Variants in GSE1 observed in about 807,000 individuals in gnomAD.
The protein encoded by GSE1 is genetic suppressor element 1.
GSE1 carries 32 observed loss-of-function variants against 112.6 expected under a neutral mutation model. The observed-to-expected ratio is 0.28, with a 90% CI of 0.21 to 0.38. The LOEUF (loss-of-function observed/expected upper bound fraction) is 0.38, where lower values mean the gene tolerates loss of function less well. Among genes scored for constraint, GSE1 ranks in the 10% least tolerant of loss-of-function variants. The pLI is 1.00. For synonymous variants in GSE1, 1,115 were observed against 735.6 expected, an observed-to-expected ratio of 1.52 and a Z score of -8.35; for missense variants, 2,348 against 1,699.2, an observed-to-expected ratio of 1.38 and a Z score of -6.71.
intron 2 of GSE1, among the ~76,000 whole-genome samples, chr16:85,548,677 G>A (rs951314421): frequency 1.3e-5 from 2 of 152,184 alleles, no homozygotes; most frequent in Non-Finnish European, 2.9e-5. Flanking sequence ...TCCATGTTTT[G>A]GCTGTGGTGA....
At chr16:85,633,016 C>CGCTGCT (rs2049673111) in intron 1 of GSE1, among the ~76,000 whole-genome samples, 1 of 150,502 alleles carries the variant, frequency 6.6e-6, no homozygotes, top group African/African-American at 2.5e-5. Context: ...CCTCTGGTGC[C>CGCTGCT]GCCGCCGCCG....
At chr16:85,280,029 TCTC>T (rs1308661828) in intron 1 of GSE1, among the ~76,000 whole-genome samples, 1 of 152,146 alleles carries the variant, frequency 6.6e-6, no homozygotes, top group African/African-American at 2.4e-5. Context: ...TCCAGAAAGT[TCTC>T]CTTTCACCCA....
intron 2 of GSE1, among the ~76,000 whole-genome samples, chr16:85,483,647 G>A (rs991184716): frequency 2.6e-5 from 4 of 152,272 alleles, no homozygotes; most frequent in South Asian, 2.1e-4. Flanking sequence ...GGGCTGAGAC[G>A]GATGGGCCTC....
At chr16:85,204,048 G>C (rs535720312) in intron 1 of GSE1, among the ~76,000 whole-genome samples, 6 of 152,314 alleles carry the variant, frequency 3.9e-5, no homozygotes, top group African/African-American at 1.4e-4. Context: ...GGGATTACAG[G>C]CATGAGCCGC....
At chr16:85,366,948 G>C (rs1022724067) in intron 2 of GSE1, among the ~76,000 whole-genome samples, 18 of 152,212 alleles carry the variant, frequency 1.2e-4, no homozygotes, top group Non-Finnish European at 2.4e-4. Flanking sequence ...TGGAGCTTAG[G>C]GTGGGGTGTC....
At chr16:85,634,186 G>A (rs2049791636) in intron 2 of GSE1, 54 bp downstream of exon 2, 2 of 1,247,098 alleles carry the variant, frequency 1.6e-6, no homozygotes, top group African/African-American at 1.6e-5. Flanking sequence ...CCGAGGCCGG[G>A]ACTCAGCCTC....
At position 85,672,697 on chromosome 16, in the gene GSE1, A is replaced by C. The variant is rs537801915; in HGVS notation, c.*158A>C. On this transcript the variant is annotated 3_prime_UTR_variant, in exon 16 of 16. Transcript: ENST00000253458. ...TTCCAGGCTCCAGAAAAAATGAATGAACTCACCTTGACGTCAATGCAATTG... is the reference window on the plus strand; with the variant it reads ...TTCCAGGCTCCAGAAAAAATGAATGCACTCACCTTGACGTCAATGCAATTG... The C allele has an allele frequency of 2.3e-3, 1,121 of 483,854 alleles. 7 individuals carry two copies. Among genetic ancestry groups the C allele is most frequent in the African/African-American group, 0.02 (1,026 of 51,604 alleles). The allele number at this position is 483,854 out of a possible 1,614,324, so 30.0% of individuals were successfully genotyped here. A position where few individuals can be genotyped will look rare whatever the true frequency, so the allele number is the denominator to read the frequency against.
At chr16:85,393,264 G>T (rs1199607566) in intron 2 of GSE1, among the ~76,000 whole-genome samples, 1 of 152,230 alleles carries the variant, frequency 6.6e-6, no homozygotes, top group African/African-American at 2.4e-5. Flanking sequence ...GCAAGACCCT[G>T]TCTCAAGAAA....
At chr16:85,612,668 C>T (rs976748367), upstream of GSE1, among the ~76,000 whole-genome samples, 6 of 150,030 alleles carry the variant, frequency 4.0e-5, no homozygotes, top group Admixed American at 2.7e-4. Flanking sequence ...TAGTATTCAG[C>T]CTTTTCTAGT....
chr16:85,197,706 C>G (rs909794842), intron 1 of GSE1, among the ~76,000 whole-genome samples: 3 of 152,318 alleles, frequency 2.0e-5, no homozygotes, highest in African/African-American at 4.8e-5. Context: ...GGCGTCCCCA[C>G]TCTGTGTCAC....
At chr16:85,585,602 C>G (rs2046655309) in intron 1 of GSE1, among the ~76,000 whole-genome samples, 1 of 152,240 alleles carries the variant, frequency 6.6e-6, no homozygotes, top group Admixed American at 6.5e-5. Flanking sequence ...TGTCCCAGCC[C>G]CAGTCTAGAC....
intron 2 of GSE1, among the ~76,000 whole-genome samples, chr16:85,635,134 C>T (rs969446706): frequency 3.3e-5 from 5 of 152,164 alleles, no homozygotes; most frequent in South Asian, 2.1e-4. Context: ...CTGACCAGGG[C>T]GGGCTGGGGG....
In GSE1 at chr16:85,656,563, C is replaced by G. The variant is rs78965078; in HGVS notation, c.1210C>G (p.Leu404Val). Reference sequence around the variant, plus strand: ...GAAGGAGCTGCTGGCCGCCAAGGCCCTGGAGCCCAGCTTCCTGCCCGTGGC... The same window carrying G: ...GAAGGAGCTGCTGGCCGCCAAGGCCGTGGAGCCCAGCTTCCTGCCCGTGGC... ...REKELLAAKA[L>V]EPSFLPVAEL... The change falls in exon 7 of 16, where the codon CTG becomes GTG. Residue 404 changes from leucine to valine, a missense_variant. By Grantham distance (32) the Leu-to-Val change is conservative. Coordinates refer to ENST00000253458, the MANE Select transcript of GSE1 (RefSeq NM_014615.5). 1,654 of 1,548,110 alleles carry G rather than the reference C, an allele frequency of 1.1e-3. 16 individuals are homozygous for G. The African/African-American group carries it at 0.02, about 19-fold the overall frequency.
chr16:85,315,312 C>G (rs1238539670), intron 1 of GSE1, among the ~76,000 whole-genome samples: 1 of 152,200 alleles, frequency 6.6e-6, no homozygotes, highest in Non-Finnish European at 1.5e-5. Flanking sequence ...TCACTTGCCC[C>G]TCCTGCACGC....
chr16:85,603,330 C>T (rs1053613567), intron 1 of GSE1, among the ~76,000 whole-genome samples: 4 of 152,296 alleles, frequency 2.6e-5, no homozygotes, highest in South Asian at 2.1e-4. Context: ...TGTGCTGGGT[C>T]ATGACTGGCT....
At chr16:85,331,361 G>GTATATATATGTATATATA (rs1299782485) in intron 1 of GSE1, among the ~76,000 whole-genome samples, 2,002 of 66,810 alleles carry the variant, frequency 0.03, 241 homozygotes, top group African/African-American at 0.1. Flanking sequence ...GTGTGTGTGT[G>GTATATATATGTATATATA]TGTGTATATA....
intron 2 of GSE1, among the ~76,000 whole-genome samples, chr16:85,367,395 A>C (rs1196645405): frequency 6.6e-6 from 1 of 152,224 alleles, no homozygotes; most frequent in African/African-American, 2.4e-5. Context: ...CATGCTGGGC[A>C]TGGGGGGCAT....
intron 2 of GSE1, among the ~76,000 whole-genome samples, chr16:85,532,636 C>A (rs1598089854): frequency 6.6e-6 from 1 of 152,170 alleles, no homozygotes; most frequent in Non-Finnish European, 1.5e-5. Context: ...TCGCCTCCCA[C>A]CGCCCCGCAC....
chr16:85,502,517 C>T (rs4074055), intron 2 of GSE1, among the ~76,000 whole-genome samples: 32,234 of 152,178 alleles, frequency 0.21, 3,739 homozygotes, highest in East Asian at 0.54. Context: ...TGAGGGCAAC[C>T]GGGCTTCTGG....
Sources: gnomAD v4.1 joint callset for allele counts (sites outside exome capture counted in the v4.1 genomes callset) on GRCh38, gnomAD v4.1.1 for gene constraint, MANE v1.5 for transcripts, NCBI Gene and HGNC (gene_info 2026-07-23, HGNC 2026-07-21) for gene names.